NBAS: variants seen among roughly 807,000 people sequenced by gnomAD.
NBAS encodes the protein NAG/BC035112 fusion.
In NBAS, 219 loss-of-function variants were observed where a neutral mutation model predicts 302.5. That is an observed-to-expected ratio of 0.72 (90% CI 0.65 to 0.81). The LOEUF is 0.81. NBAS is among the 30% of genes least tolerant of loss of function. The pLI is 0.00. For missense variants in NBAS, 2,932 were observed against 2,841.6 expected (o/e 1.03, Z -0.72); for synonymous variants, 1,118 against 1,021.6 (o/e 1.09, Z -1.80).
chr2:15,075,038 A>T, the NBAS span, among the ~76,000 whole-genome samples: 4,090 of 152,314 alleles, frequency 0.027, 156 homozygotes, highest in African/African-American at 0.085. Flanking sequence ...CACTCTTCAA[A>T]TCGGCAATTC....
intron 41 of NBAS, among the ~76,000 whole-genome samples, chr2:15,291,775 T>C (rs1221744099): frequency 1.3e-5 from 2 of 152,162 alleles, no homozygotes; most frequent in African/African-American, 4.8e-5. Flanking sequence ...TAAAGTGCCA[T>C]GTGCTTTGAA....
In NBAS at chr2:15,467,799, G is replaced by A; in HGVS notation, c.1883C>T (p.Thr628Ile). ...GTCAATGTCTATTTCACCAGGTAAT[G>A]TAAATCTGCAAGTATAAAAGAACAA... ...IGKGADDGRFTLPGEIDIDSI... is the reference protein window; with the variant it reads ...IGKGADDGRFILPGEIDIDSI... Residue 628 changes from threonine (T) to isoleucine (I), a missense_variant, in exon 18 of 52, where the codon ACA becomes ATA. By Grantham distance (89) the Thr-to-Ile change is moderately conservative. Coordinates refer to ENST00000281513, the MANE Select transcript of NBAS (RefSeq NM_015909.4). The A allele has an allele frequency of 1.9e-6, 3 of 1,587,462 alleles. No homozygotes were observed. Among genetic ancestry groups the A allele is most frequent in the Non-Finnish European group, 1.7e-6 (2 of 1,156,938 alleles).
chr2:15,008,397 C>T, the NBAS span, among the ~76,000 whole-genome samples: 2 of 152,214 alleles, frequency 1.3e-5, no homozygotes, highest in Admixed American at 1.3e-4. Context: ...CCCATGGTTC[C>T]CTGATGCCAA....
chr2:15,202,763 C>G (rs1665940254), intron 48 of NBAS, among the ~76,000 whole-genome samples: 1 of 152,122 alleles, frequency 6.6e-6, no homozygotes, highest in South Asian at 2.1e-4. Context: ...CTCTCAAACT[C>G]CCGACCTCAG....
chr2:15,511,882 T>C (rs71447226), intron 9 of NBAS, among the ~76,000 whole-genome samples: 88 of 152,358 alleles, frequency 5.8e-4, no homozygotes, highest in Non-Finnish European at 6.9e-4. Flanking sequence ...ACTCCATTCA[T>C]AACTGGAGGC....
the NBAS span, among the ~76,000 whole-genome samples, chr2:14,817,849 T>C: frequency 6.6e-6 from 1 of 152,152 alleles, no homozygotes; most frequent in Admixed American, 6.5e-5. Context: ...ACTTGGAATC[T>C]CCATTCTGCA....
At chr2:15,237,759 G>T (rs1667665630) in intron 45 of NBAS, among the ~76,000 whole-genome samples, 1 of 141,576 alleles carries the variant, frequency 7.1e-6, no homozygotes. Context: ...ACCACACCCG[G>T]CTAATGTTTG....
the NBAS span, among the ~76,000 whole-genome samples, chr2:14,798,238 C>T: frequency 6.6e-6 from 1 of 152,100 alleles, no homozygotes; most frequent in African/African-American, 2.4e-5. Flanking sequence ...TTTGGAGGTG[C>T]CATTTATCAG....
At chr2:14,829,515 T>C in the NBAS span, among the ~76,000 whole-genome samples, 1 of 152,204 alleles carries the variant, frequency 6.6e-6, no homozygotes, top group South Asian at 2.1e-4. Context: ...TATGATTTCA[T>C]AGATGATAAA....
chr2:15,371,329 A>G (rs531578214), intron 31 of NBAS, among the ~76,000 whole-genome samples: 1 of 152,346 alleles, frequency 6.6e-6, no homozygotes, highest in Admixed American at 6.5e-5. Flanking sequence ...ATTTCTTTAT[A>G]GCAGTGTGAA....
the NBAS span, among the ~76,000 whole-genome samples, chr2:15,138,175 T>C: frequency 6.6e-6 from 1 of 151,982 alleles, no homozygotes; most frequent in Non-Finnish European, 1.5e-5. Context: ...TGGGAAACAG[T>C]CGGGTGGACA....
At chr2:15,147,972 C>A in the NBAS span, among the ~76,000 whole-genome samples, 1 of 152,128 alleles carries the variant, frequency 6.6e-6, no homozygotes, top group East Asian at 1.9e-4. Context: ...GAACTGAGAA[C>A]CTCCTGGTGC....
At chr2:15,034,056 A>AGGAGGAGGAGGGGGG in the NBAS span, among the ~76,000 whole-genome samples, 1 of 93,786 alleles carries the variant, frequency 1.1e-5, no homozygotes, top group African/African-American at 4.7e-5. Flanking sequence ...GAGGAGGAGG[A>AGGAGGAGGAGGGGGG]GGAGGAGGGG....
At chr2:15,058,920 T>C in the NBAS span, among the ~76,000 whole-genome samples, 1 of 152,214 alleles carries the variant, frequency 6.6e-6, no homozygotes, top group Non-Finnish European at 1.5e-5. Flanking sequence ...CTGACCTTCT[T>C]GCTCTTTAAA....
At chr2:15,540,912 C>T (rs145906366) in intron 6 of NBAS, among the ~76,000 whole-genome samples, 4 of 151,910 alleles carry the variant, frequency 2.6e-5, no homozygotes, top group African/African-American at 4.8e-5. Context: ...TTAGTAGAGA[C>T]GGGATTTCAC....
At chr2:15,235,871 G>C (rs1667570260) in intron 45 of NBAS, among the ~76,000 whole-genome samples, 2 of 152,146 alleles carry the variant, frequency 1.3e-5, no homozygotes, top group Admixed American at 1.3e-4. Flanking sequence ...GAGTTAAGCA[G>C]GGCAATTTCT....
chr2:14,980,003 G>T, the NBAS span, among the ~76,000 whole-genome samples: 2 of 152,052 alleles, frequency 1.3e-5, no homozygotes, highest in Admixed American at 1.3e-4. Context: ...AACTTCACAA[G>T]GTCAAACTGA....
intron 12 of NBAS, among the ~76,000 whole-genome samples, chr2:15,488,032 C>T (rs1296358689): frequency 6.6e-6 from 1 of 152,172 alleles, no homozygotes; most frequent in Non-Finnish European, 1.5e-5. Context: ...CTCTGTCATT[C>T]TGAGAAAAAT....
chr2:14,818,123 G>C, the NBAS span, among the ~76,000 whole-genome samples: 1 of 152,006 alleles, frequency 6.6e-6, no homozygotes, highest in African/African-American at 2.4e-5. Flanking sequence ...CCATCTGTTT[G>C]GGAGTATCTC....
Sources: allele counts gnomAD v4.1 joint callset (sites outside exome capture counted in the v4.1 genomes callset), GRCh38; gene constraint gnomAD v4.1.1; transcripts MANE v1.5; gene names NCBI Gene and HGNC (gene_info 2026-07-23, HGNC 2026-07-21).